The following ULK4 variants were observed in gnomAD, a reference collection of about 807,000 sequenced individuals.
ULK4 encodes the protein unc-51 like kinase 4, also known as inactive serine/threonine-protein kinase ULK4.
A neutral mutation model predicts 160.6 loss-of-function variants in ULK4; 133 were observed. The observed-to-expected ratio is 0.83, with a 90% confidence interval of 0.72 to 0.96. ULK4 has a LOEUF of 0.96. Ranked by LOEUF, ULK4 falls within the 40% of genes least tolerant of loss-of-function variation. The probability of loss-of-function intolerance (pLI) is 0.00; values close to 1 mark genes in which losing one functional copy is unlikely to be tolerated. For synonymous variants in ULK4, 534 were observed against 539.8 expected (o/e 0.99, Z 0.15); for missense variants, 1,580 against 1,499.5 (o/e 1.05, Z -0.89).
intron 32 of ULK4, among the ~76,000 whole-genome samples, chr3:41,558,347 G>A (rs1023990576): frequency 1.3e-5 from 2 of 152,070 alleles, no homozygotes; most frequent in African/African-American, 4.8e-5. Context: ...ACGGGGGTAA[G>A]TGCATATTTT....
intron 22 of ULK4, among the ~76,000 whole-genome samples, chr3:41,723,225 A>C (rs1305927506): frequency 6.6e-6 from 1 of 152,130 alleles, no homozygotes; most frequent in Non-Finnish European, 1.5e-5. Flanking sequence ...GAAAAGAGGA[A>C]TTATGAACAG....
rs373983513 is a variant in ULK4, at chr3:41,406,858, C to A, written c.3493-8594G>T. Among the ~76,000 whole-genome samples, 45 of 152,260 alleles carry A rather than the reference C, an allele frequency of 3.0e-4. No homozygotes were observed. The East Asian group carries it at 7.9e-3, about 27-fold the overall frequency. Reference sequence around the variant, plus strand: ...GCATGAAGCAATGGTTCTTAAGACACTAGACATAAGATAATGAAGAACGGT... The same window carrying A: ...GCATGAAGCAATGGTTCTTAAGACAATAGACATAAGATAATGAAGAACGGT... On this transcript the variant is annotated intron_variant, in intron 34 of 36. Transcript: ENST00000301831.
intron 29 of ULK4, among the ~76,000 whole-genome samples, chr3:41,678,324 A>T (rs2035804961): frequency 6.6e-6 from 1 of 152,066 alleles, no homozygotes. Flanking sequence ...TCTGATAAGC[A>T]TCTGGAACGT....
chr3:41,454,068 C>A (rs1288870511), intron 34 of ULK4, among the ~76,000 whole-genome samples: 1 of 148,178 alleles, frequency 6.7e-6, no homozygotes, highest in Non-Finnish European at 1.5e-5. Flanking sequence ...AGGAGATATA[C>A]CTAATGTAAA....
intron 33 of ULK4, among the ~76,000 whole-genome samples, chr3:41,456,199 C>T (rs72871116): frequency 0.02 from 3,045 of 152,244 alleles, 110 homozygotes; most frequent in African/African-American, 0.068. Context: ...TGTGAGCCAC[C>T]GCGCCCAGCC....
intron 5 of ULK4, 48 bp downstream of exon 5, chr3:41,931,796 T>A (rs539940295): frequency 3.1e-6 from 5 of 1,596,476 alleles, no homozygotes; most frequent in Non-Finnish European, 4.3e-6. Context: ...AGGACTTGGA[T>A]GGTCCACAAC....
At chr3:41,564,309 G>A (rs1315810215) in intron 32 of ULK4, among the ~76,000 whole-genome samples, 1 of 152,092 alleles carries the variant, frequency 6.6e-6, no homozygotes. Context: ...CCTTCTGGGA[G>A]GTGTCTGCCA....
chr3:41,724,424 A>G (rs552132132), intron 22 of ULK4, among the ~76,000 whole-genome samples: 3 of 152,282 alleles, frequency 2.0e-5, no homozygotes, highest in South Asian at 2.1e-4. Context: ...ACAGGTAGAT[A>G]TAAGAATTCC....
intron 27 of ULK4, among the ~76,000 whole-genome samples, chr3:41,694,706 G>T (rs1054633689): frequency 3.9e-5 from 6 of 152,072 alleles, no homozygotes; most frequent in African/African-American, 1.4e-4. Flanking sequence ...TCATCTCTAG[G>T]TGACTTATAA....
At chr3:41,653,097 A>G (rs1021987471) in intron 30 of ULK4, among the ~76,000 whole-genome samples, 4 of 152,140 alleles carry the variant, frequency 2.6e-5, no homozygotes, top group African/African-American at 9.7e-5. Context: ...TAGAGACAGC[A>G]AAGAACTAGC....
chr3:41,496,526 A>G (rs1292935328), intron 32 of ULK4, among the ~76,000 whole-genome samples: 1 of 152,008 alleles, frequency 6.6e-6, no homozygotes, highest in Non-Finnish European at 1.5e-5. Context: ...TACTTTGCTG[A>G]TGAGAAGTAA....
At chr3:41,746,928 G>A (rs2038440549) in intron 22 of ULK4, among the ~76,000 whole-genome samples, 1 of 151,854 alleles carries the variant, frequency 6.6e-6, no homozygotes, top group Non-Finnish European at 1.5e-5. Context: ...AATAACACCA[G>A]AGCAATTAAA....
intron 29 of ULK4, among the ~76,000 whole-genome samples, chr3:41,677,621 G>A (rs140984527): frequency 0.025 from 3,823 of 152,176 alleles, 67 homozygotes; most frequent in Non-Finnish European, 0.037. Context: ...GAGAGCCACC[G>A]CGCCCGGCCC....
chr3:41,324,542 TAGAGA>T (rs1559525229), intron 35 of ULK4, among the ~76,000 whole-genome samples: 4 of 152,100 alleles, frequency 2.6e-5, no homozygotes, highest in Non-Finnish European at 4.4e-5. Context: ...TACCATCAGG[TAGAGA>T]GGATTCACTG....
intron 30 of ULK4, among the ~76,000 whole-genome samples, chr3:41,642,016 C>G (rs1308607340): frequency 6.6e-6 from 1 of 151,848 alleles, no homozygotes; most frequent in Non-Finnish European, 1.5e-5. Flanking sequence ...GCTGGAATTA[C>G]AGGCACATGC....
intron 35 of ULK4, among the ~76,000 whole-genome samples, chr3:41,377,462 A>C (rs1414679524): frequency 1.3e-5 from 2 of 150,264 alleles, no homozygotes; most frequent in Non-Finnish European, 2.9e-5. Context: ...GAAAATTTTC[A>C]CAACCTACTC....
intron 17 of ULK4, among the ~76,000 whole-genome samples, chr3:41,836,804 C>T (rs1019428792): frequency 1.2e-4 from 18 of 152,206 alleles, no homozygotes; most frequent in African/African-American, 4.3e-4. Flanking sequence ...TAGTTAATGT[C>T]CTAGGAGTCA....
chr3:41,420,294 C>T (rs901567405), intron 34 of ULK4, among the ~76,000 whole-genome samples: 1 of 151,422 alleles, frequency 6.6e-6, no homozygotes, highest in Non-Finnish European at 1.5e-5. Flanking sequence ...ATAGTCTTCC[C>T]ACCAGGTACC....
intron 22 of ULK4, among the ~76,000 whole-genome samples, chr3:41,719,796 A>G (rs1431744852): frequency 2.6e-5 from 4 of 152,130 alleles, no homozygotes; most frequent in Non-Finnish European, 5.9e-5. Context: ...TCCCCTATTT[A>G]AAACCCTTCC....
Sources: gnomAD v4.1 joint callset for allele counts (sites outside exome capture counted in the v4.1 genomes callset) on GRCh38, gnomAD v4.1.1 for gene constraint, MANE v1.5 for transcripts, NCBI Gene and HGNC (gene_info 2026-07-23, HGNC 2026-07-21) for gene names.